SCAPER: variants seen among roughly 807,000 people sequenced by gnomAD.
SCAPER encodes the protein S-phase cyclin A associated protein in the ER, also known as S phase cyclin A-associated protein in the endoplasmic reticulum.
SCAPER carries 98 observed loss-of-function variants against 182.2 expected under a neutral mutation model. The ratio of observed to expected loss-of-function variants is 0.54; its 90% confidence interval spans 0.46 to 0.64. The LOEUF is 0.64. Ranked by LOEUF, SCAPER falls within the 30% of genes least tolerant of loss-of-function variation. The probability of loss-of-function intolerance (pLI) is 0.00; values close to 1 mark genes in which losing one functional copy is unlikely to be tolerated. For synonymous variants in SCAPER, 605 were observed against 564.6 expected (o/e 1.07, Z -1.01); for missense variants, 1,432 against 1,690.0 (o/e 0.85, Z 2.68).
chr15:76,740,659 G>C (rs1465122989), intron 15 of SCAPER, among the ~76,000 whole-genome samples: 1 of 152,110 alleles, frequency 6.6e-6, no homozygotes, highest in African/African-American at 2.4e-5. Flanking sequence ...CCTAAAATAT[G>C]TAAGAACTCA....
At chr15:76,434,356 AAAAAT>A in intron 25 of SCAPER, 46 bp from the exon 26 acceptor site, 1 of 1,325,264 alleles carries the variant, frequency 7.5e-7, no homozygotes, top group South Asian at 1.3e-5. Flanking sequence ...TAAAACCACC[AAAAAT>A]GGGCAGAGAC....
At chr15:76,541,314 A>G (rs2044736301) in intron 23 of SCAPER, among the ~76,000 whole-genome samples, 2 of 152,202 alleles carry the variant, frequency 1.3e-5, no homozygotes, top group African/African-American at 4.8e-5. Context: ...GCTCTAATCA[A>G]CTTTATATTT....
chr15:76,471,037 A>T, intron 25 of SCAPER, 175 bp downstream of exon 25: 1 of 497,260 alleles, frequency 2.0e-6, no homozygotes, highest in Non-Finnish European at 3.2e-6. Flanking sequence ...TCAAATTATT[A>T]ATAAATTTGT....
At chr15:76,524,689 G>GTTTTTTTTTTTTTTTTTT (rs35944222) in intron 23 of SCAPER, among the ~76,000 whole-genome samples, 45 of 50,114 alleles carry the variant, frequency 9.0e-4, no homozygotes, top group Non-Finnish European at 9.9e-4. Flanking sequence ...TTTTTGTTCT[G>GTTTTTTTTTTTTTTTTTT]TTTTTTTTTT....
At chr15:76,633,420 T>C (rs1015110537) in intron 21 of SCAPER, among the ~76,000 whole-genome samples, 1 of 152,252 alleles carries the variant, frequency 6.6e-6, no homozygotes, top group South Asian at 2.1e-4. Flanking sequence ...ATCAGGGTCT[T>C]GCTTAAATAA....
chr15:76,483,553 C>A (rs138474203), intron 24 of SCAPER, among the ~76,000 whole-genome samples: 1 of 151,832 alleles, frequency 6.6e-6, no homozygotes, highest in Non-Finnish European at 1.5e-5. Context: ...GTTAAGAGAA[C>A]GAAAAGATAA....
chr15:76,825,145 A>C (rs2067889879), intron 5 of SCAPER, among the ~76,000 whole-genome samples: 1 of 152,208 alleles, frequency 6.6e-6, no homozygotes, highest in Admixed American at 6.5e-5. Context: ...TTTTGCCTGG[A>C]ATATTCTCCC....
chr15:76,879,024 G>C (rs1226573103), intron 2 of SCAPER, among the ~76,000 whole-genome samples: 1 of 152,094 alleles, frequency 6.6e-6, no homozygotes, highest in Non-Finnish European at 1.5e-5. Flanking sequence ...CTACCGACAG[G>C]AAATGAAACT....
chr15:76,859,219 A>AG (rs1568357265), intron 3 of SCAPER, among the ~76,000 whole-genome samples: 1 of 152,058 alleles, frequency 6.6e-6, no homozygotes, highest in Non-Finnish European at 1.5e-5. Flanking sequence ...CCCTGAAGCA[A>AG]TATAAGTGAG....
chr15:76,829,350 T>C (rs967011585), intron 5 of SCAPER, among the ~76,000 whole-genome samples: 24 of 152,104 alleles, frequency 1.6e-4, no homozygotes, highest in African/African-American at 5.8e-4. Context: ...ATAACACTAT[T>C]GACAGATCAA....
chr15:76,763,044 T>C (rs1008010468), intron 14 of SCAPER, among the ~76,000 whole-genome samples: 2 of 152,210 alleles, frequency 1.3e-5, no homozygotes, highest in African/African-American at 4.8e-5. Flanking sequence ...GTACATTTAC[T>C]CCTGAGCTTT....
intron 24 of SCAPER, among the ~76,000 whole-genome samples, chr15:76,474,818 C>G (rs992003059): frequency 1.3e-5 from 2 of 152,080 alleles, no homozygotes; most frequent in Non-Finnish European, 2.9e-5. Context: ...GTTAGTAAAG[C>G]ACAGTGCTTG....
At chr15:76,652,349 C>T (rs1454651081) in intron 21 of SCAPER, among the ~76,000 whole-genome samples, 1,222 of 20,040 alleles carry the variant, frequency 0.061, 91 homozygotes, top group Non-Finnish European at 0.071. Flanking sequence ...TATATACACA[C>T]ACACACACAC....
chr15:76,520,245 G>T (rs920022005), intron 23 of SCAPER, among the ~76,000 whole-genome samples: 1 of 152,058 alleles, frequency 6.6e-6, no homozygotes, highest in African/African-American at 2.4e-5. Flanking sequence ...TTGAGACAAA[G>T]TCTCACTCTG....
chr15:76,548,741 G>C (rs949653787), intron 23 of SCAPER, among the ~76,000 whole-genome samples: 1 of 152,142 alleles, frequency 6.6e-6, no homozygotes, highest in African/African-American at 2.4e-5. Flanking sequence ...TGGCTAGCCA[G>C]ATGTAGAAAG....
rs555837808 is a variant in SCAPER at position 76,602,543 on chromosome 15, G to A, written c.2711+19221C>T. On this transcript the variant is annotated intron_variant, in intron 22 of 31. Transcript: ENST00000563290. ...GTAGAATTTTTTGTTTTTGTTTTTTGGGGGAAGCATTTATCTTGCTTGGTA... is the reference window on the plus strand; with the variant it reads ...GTAGAATTTTTTGTTTTTGTTTTTTAGGGGAAGCATTTATCTTGCTTGGTA... Among the ~76,000 whole-genome samples the A allele has an allele frequency of 3.3e-4, 40 of 119,684 alleles. 4 individuals carry two copies. Among genetic ancestry groups the A allele is most frequent in the African/African-American group, 8.9e-4 (35 of 39,438 alleles). 78.5% of individuals were successfully genotyped at this position (119,684 alleles called of 152,430 possible).
At chr15:76,405,957 C>T (rs573201060) in intron 26 of SCAPER, among the ~76,000 whole-genome samples, 18 of 152,134 alleles carry the variant, frequency 1.2e-4, no homozygotes, top group African/African-American at 4.1e-4. Context: ...AAAATAGTGC[C>T]TCCTTTCATC....
At chr15:76,815,488 G>A (rs1052899655) in intron 5 of SCAPER, among the ~76,000 whole-genome samples, 3 of 152,128 alleles carry the variant, frequency 2.0e-5, no homozygotes, top group African/African-American at 7.2e-5. Flanking sequence ...TTTCATCATT[G>A]TGCGACCATC....
intron 14 of SCAPER, among the ~76,000 whole-genome samples, chr15:76,764,139 T>C (rs2062966411): frequency 6.6e-6 from 1 of 152,232 alleles, no homozygotes; most frequent in Non-Finnish European, 1.5e-5. Context: ...GAGCAATGAC[T>C]TGTGGGGAAT....
Sources: allele counts gnomAD v4.1 joint callset (sites outside exome capture counted in the v4.1 genomes callset), GRCh38; gene constraint gnomAD v4.1.1; transcripts MANE v1.5; gene names NCBI Gene and HGNC (gene_info 2026-07-23, HGNC 2026-07-21).